Variants in RIMS1 observed in about 807,000 individuals in gnomAD.
RIMS1 encodes regulating synaptic membrane exocytosis protein 1.
RIMS1 carries 83 observed loss-of-function variants against 214.1 expected under a neutral mutation model. The ratio of observed to expected loss-of-function variants is 0.39; its 90% CI spans 0.32 to 0.47. The LOEUF (loss-of-function observed/expected upper bound fraction) is 0.47. Among genes scored for constraint, RIMS1 ranks in the 20% least tolerant of loss-of-function variants. The pLI is 0.99. For synonymous variants in RIMS1, 793 were observed against 786.8 expected (o/e 1.01, Z -0.13); for missense variants, 2,050 against 2,161.8 (o/e 0.95, Z 1.03).
chr6:72,152,786 A>G (rs9360533), intron 4 of RIMS1, among the ~76,000 whole-genome samples: 1 of 108,808 alleles, frequency 9.2e-6, no homozygotes, highest in Non-Finnish European at 1.8e-5. Context: ...ATATGTATAT[A>G]TATGGAATAT....
chr6:72,263,660 C>T (rs139558821), intron 19 of RIMS1: 34 of 985,178 alleles, frequency 3.5e-5, no homozygotes, highest in Non-Finnish European at 3.9e-5. Context: ...AGTCGACTGT[C>T]TAGAAAGGAG....
rs1593577804 is a variant in RIMS1 at position 72,326,183 on chromosome 6, G to T, written c.4131-7417G>T. ...GACTTCTAGGTTCTTTTAGTGGATTGAATGTATGTAAATTGATTGTAATTG... is the reference window on the plus strand; with the variant it reads ...GACTTCTAGGTTCTTTTAGTGGATTTAATGTATGTAAATTGATTGTAATTG... On this transcript the variant is annotated intron_variant, in intron 28 of 33. Transcript: ENST00000521978. Among the ~76,000 whole-genome samples, 3 of 152,016 alleles carry T rather than the reference G, an allele frequency of 2.0e-5. No homozygotes were observed. The South Asian group carries it at 6.2e-4, about 32-fold the overall frequency.
At chr6:72,371,293 C>T (rs759551184) in intron 29 of RIMS1, among the ~76,000 whole-genome samples, 4 of 151,952 alleles carry the variant, frequency 2.6e-5, no homozygotes, top group East Asian at 1.9e-4. Flanking sequence ...TAATTACAAG[C>T]GCTAGTAAGT....
intron 16 of RIMS1, 53 bp downstream of exon 16, chr6:72,252,885 C>T: frequency 7.3e-7 from 1 of 1,369,812 alleles, no homozygotes; most frequent in Non-Finnish European, 1.0e-6. Context: ...TGCTTGTTTT[C>T]TCTGTCAGCT....
intron 29 of RIMS1, among the ~76,000 whole-genome samples, chr6:72,352,508 G>A (rs114925754): frequency 0.011 from 1,750 of 152,182 alleles, 31 homozygotes; most frequent in African/African-American, 0.039. Context: ...ATTAGCTAAC[G>A]TAATTCTAGT....
rs2154113515 is a variant in RIMS1 at position 72,242,293 on chromosome 6, AC to A, written c.1958-18del. Reference sequence around the variant, plus strand: ...AACAGAATATATAAGGTAAAAAAATACCCTTTTTTTTAAATTCAAGGGGATG... The same window carrying A: ...AACAGAATATATAAGGTAAAAAAATACCTTTTTTTTAAATTCAAGGGGATG... On this transcript the variant is annotated intron_variant, in intron 9 of 33. Transcript: ENST00000521978. 2 of 1,520,048 alleles carry A rather than the reference AC, an allele frequency of 1.3e-6. No individual in the cohort carries two copies. Among genetic ancestry groups the A allele is most frequent in the Non-Finnish European group, 1.8e-6 (2 of 1,123,558 alleles). The allele number at this position is 1,520,048 out of a possible 1,614,324, so 94.2% of individuals were successfully genotyped here.
chr6:72,226,510 A>G (rs1281032418), intron 6 of RIMS1, among the ~76,000 whole-genome samples: 2 of 152,066 alleles, frequency 1.3e-5, no homozygotes, highest in Non-Finnish European at 2.9e-5. Flanking sequence ...TCTTACTACC[A>G]TCAATCCTGC....
Position 72,183,083 on chromosome 6 carries a change from G to T in RIMS1, c.1612G>T (p.Val538Leu). 6.3e-7 allele frequency: 1 copy of T among 1,592,448 alleles called. No homozygotes were observed. The highest frequency in any genetic ancestry group is 2.3e-5 in the East Asian group (1 of 43,910). The change falls in exon 6 of 34, where the codon GTG (valine) becomes TTG (leucine). Residue 538 changes from valine (V) to leucine (L), a missense_variant. Coordinates refer to ENST00000521978, the MANE Select transcript of RIMS1 (RefSeq NM_014989.7). ...GGTGAGCAGCTCTGAGGAGGAGGGC[G>T]TGTCGACGCCCGAGTACACCAGCTG... Reference protein sequence around the residue: ...MSVSSSEEEGVSTPEYTSCED... With the variant: ...MSVSSSEEEGLSTPEYTSCED...
intron 2 of RIMS1, among the ~76,000 whole-genome samples, chr6:72,078,154 AT>A (rs781612684): frequency 7.2e-5 from 11 of 152,298 alleles, no homozygotes; most frequent in Non-Finnish European, 1.2e-4. Flanking sequence ...CAATCTGATC[AT>A]TTGGTGATGT....
chr6:72,108,492 A>G (rs1214321405), intron 4 of RIMS1, among the ~76,000 whole-genome samples: 1 of 152,010 alleles, frequency 6.6e-6, no homozygotes, highest in Non-Finnish European at 1.5e-5. Context: ...TTTCATTTCT[A>G]TTATCTACCA....
intron 1 of RIMS1, among the ~76,000 whole-genome samples, chr6:71,912,681 A>C (rs576311988): frequency 6.6e-6 from 1 of 152,258 alleles, no homozygotes; most frequent in South Asian, 2.1e-4. Context: ...CAAATATTAG[A>C]CCTTAGAAAT....
chr6:72,066,440 A>G (rs1442009118), intron 2 of RIMS1, among the ~76,000 whole-genome samples: 1 of 152,158 alleles, frequency 6.6e-6, no homozygotes. Flanking sequence ...GTCATCATAC[A>G]TTTTCAGATT....
intron 1 of RIMS1, among the ~76,000 whole-genome samples, chr6:71,966,840 G>GA (rs70994106): frequency 0.39 from 59,571 of 151,080 alleles, 12,043 homozygotes; most frequent in East Asian, 0.53. Flanking sequence ...CTTTTAGTCA[G>GA]AAAAAAAAAT....
chr6:71,886,698 C>G lies in RIMS1; in HGVS notation c.-326C>G, dbSNP rs893180294. 6.4e-5 allele frequency: 10 copies of G among 157,300 alleles called. No homozygotes were observed. The highest frequency in any genetic ancestry group is 2.4e-4 in the African/African-American group (10 of 41,482). The allele number at this position is 157,300 out of a possible 1,614,324, so 9.7% of individuals were successfully genotyped here. The stretch of plus-strand genomic sequence containing the variant: ...GGAGCCTGGCGCGAGCCCTCGCCCC[C>G]TCGCCTCTCCCGCCGCGCCTCCGCC... On this transcript the variant is annotated 5_prime_UTR_variant, in exon 1 of 34. Transcript: ENST00000521978.
At position 72,375,245 on chromosome 6, in the gene RIMS1, C is replaced by T. The variant is rs535408567; in HGVS notation, c.4367-15353C>T. Among the ~76,000 whole-genome samples, 14 of 152,248 alleles carry T rather than the reference C, an allele frequency of 9.2e-5. No homozygotes were observed. In the South Asian group the frequency reaches 2.9e-3, roughly 32 times the overall value. On this transcript the variant is annotated intron_variant, in intron 29 of 33. Transcript: ENST00000521978. Reference sequence around the variant, plus strand: ...GAGCTCTTTGCCTCATCAAGTTTAGCGTTTCTGATTTTCTCTTGGCCTCTC... The same window carrying T: ...GAGCTCTTTGCCTCATCAAGTTTAGTGTTTCTGATTTTCTCTTGGCCTCTC...
intron 1 of RIMS1, among the ~76,000 whole-genome samples, chr6:71,914,014 A>G (rs529164981): frequency 6.6e-6 from 1 of 152,122 alleles, no homozygotes; most frequent in African/African-American, 2.4e-5. Flanking sequence ...GACCAGCTGT[A>G]CTCCACTCTT....
chr6:72,203,276 C>T lies in RIMS1; in HGVS notation c.1678+20127C>T, dbSNP rs185177591. Among the ~76,000 whole-genome samples the T allele has an allele frequency of 9.2e-5, 14 of 152,218 alleles. No homozygotes were observed. The East Asian group carries it at 1.2e-3, about 13-fold the overall frequency. ...TGCTGGGATTACAGGCATGAGCCAC[C>T]GCGCCTGGCCCCATAAATATTATTT... On this transcript the variant is annotated intron_variant, in intron 6 of 33. Transcript: ENST00000521978.
At chr6:71,956,018 A>G (rs888145280) in intron 1 of RIMS1, among the ~76,000 whole-genome samples, 3 of 152,132 alleles carry the variant, frequency 2.0e-5, no homozygotes, top group Admixed American at 2.0e-4. Context: ...TCAATGAGGT[A>G]ATTATGTAGT....
intron 29 of RIMS1, among the ~76,000 whole-genome samples, chr6:72,340,927 C>T (rs1594381621): frequency 6.6e-6 from 1 of 152,088 alleles, no homozygotes; most frequent in East Asian, 1.9e-4. Flanking sequence ...ATGGAATGTT[C>T]TTCCATTTGT....
Sources: allele counts gnomAD v4.1 joint callset (sites outside exome capture counted in the v4.1 genomes callset), GRCh38; gene constraint gnomAD v4.1.1; transcripts MANE v1.5; gene names NCBI Gene and HGNC (gene_info 2026-07-23, HGNC 2026-07-21).